The following ATXN7 variants were observed in gnomAD, a reference collection of about 807,000 sequenced individuals.
The protein encoded by ATXN7 is ataxin 7, also known as ataxin-7.
In ATXN7, 12 loss-of-function variants were observed where a neutral mutation model predicts 70.5. That is an observed-to-expected ratio of 0.17 (90% CI 0.11 to 0.28). The LOEUF (loss-of-function observed/expected upper bound fraction) is 0.28, where lower values mean the gene tolerates loss of function less well. ATXN7 is among the 10% of genes least tolerant of loss of function. The probability of loss-of-function intolerance (pLI) is 1.00; values close to 1 mark genes in which losing one functional copy is unlikely to be tolerated. For synonymous variants in ATXN7, 498 were observed against 448.7 expected (o/e 1.11, Z -1.39); for missense variants, 1,256 against 1,131.7 (o/e 1.11, Z -1.58).
chr3:63,970,244 C>T (rs1331943963), intron 5 of ATXN7, among the ~76,000 whole-genome samples: 2 of 152,042 alleles, frequency 1.3e-5, no homozygotes, highest in East Asian at 1.9e-4. Context: ...ATGTACTTTC[C>T]CTAAGTGTTG....
intron 2 of ATXN7, among the ~76,000 whole-genome samples, chr3:63,910,787 A>T (rs951894131): frequency 1.3e-5 from 2 of 152,098 alleles, no homozygotes; most frequent in Admixed American, 6.6e-5. Context: ...TCCAGGAAAA[A>T]ATTTTACAGA....
intron 4 of ATXN7, among the ~76,000 whole-genome samples, chr3:63,935,113 G>T (rs1362320361): frequency 6.6e-6 from 1 of 151,490 alleles, no homozygotes; most frequent in Non-Finnish European, 1.5e-5. Context: ...CTTAGTAAAG[G>T]TAATGAATGA....
intron 7 of ATXN7, 71 bp downstream of exon 7, chr3:63,982,516 A>C: frequency 7.7e-7 from 1 of 1,292,236 alleles, no homozygotes; most frequent in Admixed American, 2.3e-5. Context: ...GAGCAAATCA[A>C]CTGCAATCTA....
At chr3:63,946,378 G>A (rs770668758) in intron 4 of ATXN7, among the ~76,000 whole-genome samples, 67 of 152,204 alleles carry the variant, frequency 4.4e-4, no homozygotes, top group African/African-American at 4.3e-4. Context: ...GGTGGCTCAC[G>A]CCTATAATCC....
chr3:63,918,801 G>C (rs899282332), intron 4 of ATXN7, among the ~76,000 whole-genome samples: 1 of 152,074 alleles, frequency 6.6e-6, no homozygotes, highest in Non-Finnish European at 1.5e-5. Flanking sequence ...GACAGGAATC[G>C]GTAAAATCCA....
At position 63,937,666 on chromosome 3, in the gene ATXN7, G is replaced by A. The variant is rs145354398; in HGVS notation, c.395-14713G>A. Among the ~76,000 whole-genome samples, 509 of 152,328 alleles carry A rather than the reference G, an allele frequency of 3.3e-3. 2 individuals carry two copies. Among genetic ancestry groups the A allele is most frequent in the African/African-American group, 0.012 (497 of 41,564 alleles). On this transcript the variant is annotated intron_variant, in intron 4 of 12. Transcript: ENST00000674280. Reference sequence around the variant, plus strand: ...TACTCTTCCCTAGAGATGAAACATAGTAGGACCCTTAGTAAATATGTGTTG... The same window carrying A: ...TACTCTTCCCTAGAGATGAAACATAATAGGACCCTTAGTAAATATGTGTTG...
chr3:63,955,306 C>CT (rs559293681), intron 5 of ATXN7, among the ~76,000 whole-genome samples: 91 of 152,258 alleles, frequency 6.0e-4, no homozygotes, highest in Admixed American at 6.0e-3. Context: ...GCCAAGTGCT[C>CT]TGAGAGAGGG....
chr3:63,942,844 T>G (rs2074794023), intron 4 of ATXN7, among the ~76,000 whole-genome samples: 1 of 152,218 alleles, frequency 6.6e-6, no homozygotes, highest in South Asian at 2.1e-4. Context: ...TGCTATAATC[T>G]CTATTTTACA....
chr3:63,979,188 A>T (rs2075443133), intron 5 of ATXN7, among the ~76,000 whole-genome samples: 1 of 152,218 alleles, frequency 6.6e-6, no homozygotes, highest in Non-Finnish European at 1.5e-5. Flanking sequence ...TGTAGTCTGT[A>T]CTTAACCATG....
At position 63,995,494 on chromosome 3, in the gene ATXN7, A is replaced by T. The variant is rs1197256985; in HGVS notation, c.1683-11A>T. 15 of 1,613,264 alleles carry T rather than the reference A, an allele frequency of 9.3e-6. No homozygotes were observed. The highest frequency in any genetic ancestry group is 1.0e-5 in the Non-Finnish European group (12 of 1,179,482). On this transcript the variant is annotated splice_polypyrimidine_tract_variant and intron_variant, in intron 11 of 12. Transcript: ENST00000674280. The stretch of plus-strand genomic sequence containing the variant: ...GGTCAGTGTCATTCACTGTCCTCTA[A>T]TTTTTTTCAGGAAAATCCCACCAGT...
At chr3:63,950,784 C>T (rs2074940347) in intron 4 of ATXN7, among the ~76,000 whole-genome samples, 1 of 152,130 alleles carries the variant, frequency 6.6e-6, no homozygotes, top group African/African-American at 2.4e-5. Flanking sequence ...TATTGTTTGG[C>T]TCTTATTTTT....
intron 4 of ATXN7, among the ~76,000 whole-genome samples, chr3:63,947,295 G>C (rs560383948): frequency 2.0e-5 from 3 of 152,118 alleles, no homozygotes; most frequent in Non-Finnish European, 4.4e-5. Context: ...AATATGTGAA[G>C]AAAATGCTGG....
chr3:63,929,269 CTTT>C (rs1029963204), intron 4 of ATXN7, among the ~76,000 whole-genome samples: 4 of 136,630 alleles, frequency 2.9e-5, no homozygotes, highest in Admixed American at 7.5e-5. Flanking sequence ...CTCTCTCTCT[CTTT>C]TTTTTTTTTT....
At chr3:63,933,235 C>G (rs1369930286) in intron 4 of ATXN7, among the ~76,000 whole-genome samples, 2 of 152,192 alleles carry the variant, frequency 1.3e-5, no homozygotes, top group Non-Finnish European at 2.9e-5. Flanking sequence ...CCCTAAGGAA[C>G]TGGCAGGCTC....
chr3:63,982,339 A>C lies in ATXN7; in HGVS notation c.906A>C (p.Ser302=). Residue 302 remains serine (S), a synonymous_variant, in exon 7 of 13, where the codon TCA becomes TCC. Coordinates refer to ENST00000674280, the MANE Select transcript of ATXN7 (RefSeq NM_001377405.1). ...CAATACCAAAGCCAACCTTGCCTTC[A>C]CCTGGACAGATTCTGAATGGCAAAG... ...CPSIPKPTLP[S]PGQILNGKGL... 1 of 1,614,132 alleles carries C rather than the reference A, an allele frequency of 6.2e-7. No homozygotes were observed. The highest frequency in any genetic ancestry group is 8.5e-7 in the Non-Finnish European group (1 of 1,180,024).
intron 11 of ATXN7, among the ~76,000 whole-genome samples, chr3:63,993,577 ATAGT>A (rs2106796999): frequency 6.6e-6 from 1 of 152,298 alleles, no homozygotes; most frequent in Non-Finnish European, 1.5e-5. Flanking sequence ...GTATCTCTAC[ATAGT>A]TTATTTATGC....
At chr3:63,913,364 G>A (rs906301871) in intron 4 of ATXN7, 139 bp downstream of exon 4, 25 of 914,732 alleles carry the variant, frequency 2.7e-5, no homozygotes, top group African/African-American at 2.0e-4. Flanking sequence ...GAGGAGGGAG[G>A]GAGGGGGCAG....
chr3:63,869,354 A>G (rs1477917411), intron 1 of ATXN7, among the ~76,000 whole-genome samples: 2 of 152,220 alleles, frequency 1.3e-5, no homozygotes. Context: ...GTACTCAGAA[A>G]GTGGTAGCCA....
intron 11 of ATXN7, among the ~76,000 whole-genome samples, chr3:63,993,487 T>C (rs968313385): frequency 6.6e-5 from 10 of 151,638 alleles, no homozygotes; most frequent in Admixed American, 5.2e-4. Context: ...TAAAGAGGCA[T>C]ACATTGAAAA....
Sources: allele counts gnomAD v4.1 joint callset (sites outside exome capture counted in the v4.1 genomes callset), GRCh38; gene constraint gnomAD v4.1.1; transcripts MANE v1.5; gene names NCBI Gene and HGNC (gene_info 2026-07-23, HGNC 2026-07-21).